CADM1: variants seen among roughly 807,000 people sequenced by gnomAD.
CADM1 encodes the protein cell adhesion molecule 1.
Under a neutral mutation model 53.1 loss-of-function variants are expected in CADM1, and 15 were observed. The observed-to-expected ratio is 0.28, with a 90% CI of 0.19 to 0.44. The LOEUF is 0.44. Among genes scored for constraint, CADM1 ranks in the 20% least tolerant of loss-of-function variants. The pLI is 1.00. For synonymous variants in CADM1, 281 were observed against 243.0 expected (o/e 1.16, Z -1.45); for missense variants, 434 against 611.3 (o/e 0.71, Z 3.06).
intron 1 of CADM1, among the ~76,000 whole-genome samples, chr11:115,272,913 A>G (rs1245684789): frequency 1.3e-5 from 2 of 152,156 alleles, no homozygotes; most frequent in East Asian, 3.9e-4. Context: ...AAAATTTAAA[A>G]AAAAAGCAAC....
chr11:115,456,845 G>A (rs756903899), intron 1 of CADM1, among the ~76,000 whole-genome samples: 2 of 152,128 alleles, frequency 1.3e-5, no homozygotes, highest in African/African-American at 2.4e-5. Context: ...GTTAAGATTA[G>A]GGACACTGGA....
intron 1 of CADM1, among the ~76,000 whole-genome samples, chr11:115,284,842 G>A (rs770410433): frequency 1.3e-5 from 2 of 152,018 alleles, no homozygotes; most frequent in South Asian, 4.2e-4. Context: ...TTTTCAATAC[G>A]TCTAAGTGGT....
chr11:115,253,989 A>AT (rs1053835940), intron 1 of CADM1, among the ~76,000 whole-genome samples: 1 of 152,200 alleles, frequency 6.6e-6, no homozygotes, highest in African/African-American at 2.4e-5. Flanking sequence ...ATTCTCACAC[A>AT]TAATAATGGG....
At chr11:115,229,412 T>C in intron 4 of CADM1, 141 bp from the exon 5 acceptor site, 1 of 763,620 alleles carries the variant, frequency 1.3e-6, no homozygotes, top group Non-Finnish European at 2.3e-6. Flanking sequence ...GAGAGTAACC[T>C]GTGGATAGTT....
chr11:115,501,117 C>G (rs1258200311), intron 1 of CADM1, among the ~76,000 whole-genome samples: 1 of 152,156 alleles, frequency 6.6e-6, no homozygotes, highest in African/African-American at 2.4e-5. Context: ...TCTTGTTCCT[C>G]CAAAACGTCC....
chr11:115,475,203 C>T (rs1001559584), intron 1 of CADM1, among the ~76,000 whole-genome samples: 23 of 151,902 alleles, frequency 1.5e-4, no homozygotes, highest in African/African-American at 4.8e-4. Context: ...CCTAATAGAA[C>T]GTAAATGCTA....
intron 9 of CADM1, 182 bp from the exon 10 acceptor site, chr11:115,191,123 T>C (rs1330555755): frequency 1.7e-6 from 1 of 592,566 alleles, no homozygotes. Flanking sequence ...TTGTTCTTAA[T>C]ACGCAATCGA....
chr11:115,358,776 C>G (rs1945947439), intron 1 of CADM1, among the ~76,000 whole-genome samples: 2 of 152,290 alleles, frequency 1.3e-5, no homozygotes, highest in South Asian at 4.1e-4. Context: ...CTTCAAATAT[C>G]ATCTCTCCAC....
At chr11:115,193,767 A>G (rs1250093883) in intron 9 of CADM1, 1 of 152,124 alleles carries the variant, frequency 6.6e-6, no homozygotes, top group African/African-American at 2.4e-5. Context: ...CCAGAAAACA[A>G]AAACTTAGCC....
intron 1 of CADM1, among the ~76,000 whole-genome samples, chr11:115,327,604 T>A (rs1408374561): frequency 6.6e-6 from 1 of 152,074 alleles, no homozygotes; most frequent in Non-Finnish European, 1.5e-5. Flanking sequence ...CTGTCAAACC[T>A]CTACACAACA....
At chr11:115,257,413 T>A (rs564277327) in intron 1 of CADM1, among the ~76,000 whole-genome samples, 14 of 152,324 alleles carry the variant, frequency 9.2e-5, no homozygotes, top group African/African-American at 3.4e-4. Flanking sequence ...GTTATTAAAT[T>A]GTAGCACTAT....
chr11:115,419,563 C>T (rs1947701979), intron 1 of CADM1, among the ~76,000 whole-genome samples: 1 of 152,164 alleles, frequency 6.6e-6, no homozygotes, highest in East Asian at 1.9e-4. Flanking sequence ...TTGCAAAAGT[C>T]TCCCAGTTGG....
chr11:115,331,425 C>G (rs1053465572), intron 1 of CADM1, among the ~76,000 whole-genome samples: 1 of 152,120 alleles, frequency 6.6e-6, no homozygotes, highest in African/African-American at 2.4e-5. Context: ...ATCTGTGAAG[C>G]TTGCCATCAT....
intron 1 of CADM1, among the ~76,000 whole-genome samples, chr11:115,383,679 G>A (rs978740247): frequency 6.6e-6 from 1 of 152,162 alleles, no homozygotes; most frequent in African/African-American, 2.4e-5. Context: ...GACTTGCTTA[G>A]AAAATATGCA....
At chr11:115,418,880 C>CTATAT (rs1947681841) in intron 1 of CADM1, among the ~76,000 whole-genome samples, 1 of 152,226 alleles carries the variant, frequency 6.6e-6, no homozygotes, top group Middle Eastern at 3.4e-3. Context: ...TTTACATAAA[C>CTATAT]TATATAACAT....
chr11:115,338,876 T>A (rs866679979), intron 1 of CADM1, among the ~76,000 whole-genome samples: 1,761 of 84,496 alleles, frequency 0.021, 15 homozygotes, highest in Middle Eastern at 0.042. Context: ...TTATTTTTTT[T>A]ATTTTTTTTT....
chr11:115,413,341 A>G (rs1947504637), intron 1 of CADM1, among the ~76,000 whole-genome samples: 1 of 152,240 alleles, frequency 6.6e-6, no homozygotes, highest in Non-Finnish European at 1.5e-5. Context: ...AACTTAAAGC[A>G]GTTTTCTTCA....
rs150920805 is a variant in CADM1, at chr11:115,435,405, T to C, written c.124+68866A>G. On this transcript the variant is annotated intron_variant, in intron 1 of 11. Transcript: ENST00000331581. ...ATAATATTTCATGACACATAAAAAT[T>C]ATATTAAATTCAAATTTTCAGTGTC... Among the ~76,000 whole-genome samples the C allele has an allele frequency of 2.6e-5, 4 of 152,220 alleles. No homozygotes were observed. The East Asian group carries it at 5.8e-4, about 22-fold the overall frequency.
intron 7 of CADM1, among the ~76,000 whole-genome samples, chr11:115,212,753 T>C (rs1449907989): frequency 2.6e-5 from 4 of 152,114 alleles, no homozygotes; most frequent in Admixed American, 1.3e-4. Flanking sequence ...CCTGGTGAAG[T>C]TGGGGAAAAC....
Sources: gnomAD v4.1 joint callset for allele counts (sites outside exome capture counted in the v4.1 genomes callset) on GRCh38, gnomAD v4.1.1 for gene constraint, MANE v1.5 for transcripts, NCBI Gene and HGNC (gene_info 2026-07-23, HGNC 2026-07-21) for gene names.